CREBBP: variants seen among roughly 807,000 people sequenced by gnomAD.
CREBBP encodes CREB-binding protein.
CREBBP carries 19 observed loss-of-function variants against 265.0 expected under a neutral mutation model. The observed-to-expected ratio is 0.07, with a 90% CI of 0.05 to 0.11. CREBBP has a LOEUF of 0.11. Among genes scored for constraint, CREBBP ranks in the 10% least tolerant of loss-of-function variants. The pLI, the probability that CREBBP is intolerant of heterozygous loss-of-function variation, is 1.00. For synonymous variants in CREBBP, 1,457 were observed against 1,223.7 expected, an observed-to-expected ratio of 1.19 and a Z score of -3.98; for missense variants, 2,525 against 3,219.0, an observed-to-expected ratio of 0.78 and a Z score of 5.22.
intron 13 of CREBBP, 89 bp from the exon 14 acceptor site, chr16:3,771,075 A>AT: frequency 1.3e-6 from 2 of 1,529,656 alleles, no homozygotes; most frequent in Non-Finnish European, 1.8e-6. Context: ...ATGAAAAAAA[A>AT]ATTTTTTTTT....
intron 15 of CREBBP, 145 bp from the exon 16 acceptor site, chr16:3,768,054 C>T (rs550682595): frequency 4.0e-5 from 29 of 725,530 alleles, no homozygotes; most frequent in South Asian, 1.1e-4. Flanking sequence ...TCTTCTCTTC[C>T]GGAAGAAGAA....
Position 3,728,251 on chromosome 16 carries a change from C to A in CREBBP, c.6796G>T (p.Ala2266Ser), listed in dbSNP as rs776123525. The stretch of plus-strand genomic sequence containing the variant: ...ATCTGGCCAAGCTGTCCCATCTGAG[C>A]CGCCATCTGGCCCATGGAGCTGCCC... ...LQGSSMGQMA[A>S]QMGQLGQMGQ... is the part of the protein sequence containing the mutation. The change falls in exon 31 of 31, where the codon GCT (alanine) becomes TCT (serine). Residue 2266 changes from alanine to serine, a missense_variant. Around this residue, in one of 19 missense-constraint regions of CREBBP, gnomAD observed 473 missense variants for 459.3 expected, o/e 1.03. Transcript: ENST00000262367. The surrounding 1 kb of genome is among the most constrained non-coding windows in gnomAD (Gnocchi z 8.7). The A allele has an allele frequency of 1.2e-6, 2 of 1,612,692 alleles. No individual in the cohort carries two copies. The highest frequency in any genetic ancestry group is 1.7e-6 in the Non-Finnish European group (2 of 1,179,796).
chr16:3,768,136 G>GTTTTTTTTTTTT lies in CREBBP; in HGVS notation c.3061-239_3061-228dup, dbSNP rs71133655. 4.7e-4 allele frequency among the ~76,000 whole-genome samples: 24 copies of GTTTTTTTTTTTT among 51,608 alleles called. 6 individuals are homozygous for GTTTTTTTTTTTT. Among genetic ancestry groups the GTTTTTTTTTTTT allele is most frequent in the East Asian group, 3.5e-3 (5 of 1,420 alleles). 33.9% of individuals were successfully genotyped at this position (51,608 alleles called of 152,430 possible). ...CAATTATGGTCCTAAATTTAAAAGT[G>GTTTTTTTTTTTT]TTTTTTTTTTTTTTTTTTTTTTTTT... is the stretch of plus-strand genomic sequence containing the variant. On this transcript the variant is annotated intron_variant, in intron 15 of 30. Coordinates refer to ENST00000262367, the MANE Select transcript of CREBBP (RefSeq NM_004380.3).
chr16:3,813,813 A>C (rs1227813910), intron 2 of CREBBP, among the ~76,000 whole-genome samples: 1 of 152,180 alleles, frequency 6.6e-6, no homozygotes, highest in Non-Finnish European at 1.5e-5. Flanking sequence ...CAAACAAACA[A>C]ACAAAAAATC....
At chr16:3,834,876 G>A (rs551522546) in intron 2 of CREBBP, among the ~76,000 whole-genome samples, 1 of 152,172 alleles carries the variant, frequency 6.6e-6, no homozygotes, top group East Asian at 1.9e-4. Context: ...AGCTTTTCTT[G>A]GGCCAGGCGC....
intron 1 of CREBBP, among the ~76,000 whole-genome samples, chr16:3,857,895 C>G (rs1379683132): frequency 6.6e-6 from 1 of 152,212 alleles, no homozygotes; most frequent in African/African-American, 2.4e-5. Flanking sequence ...ATTTCTATCA[C>G]ACTCATACGA....
chr16:3,780,709 G>C, intron 8 of CREBBP, 23 bp downstream of exon 8: 1 of 1,613,220 alleles, frequency 6.2e-7, no homozygotes, highest in African/African-American at 1.3e-5. Context: ...AAACATCTAT[G>C]AAACTGCAAA....
Position 3,727,745 on chromosome 16 carries a change from C to CGTGTCCCCCGTG in CREBBP, c.7290_7301dup (p.Thr2431_Thr2434dup). 1.2e-6 allele frequency: 2 copies of CGTGTCCCCCGTG among 1,614,158 alleles called. No individual in the cohort carries two copies. The highest frequency in any genetic ancestry group is 3.3e-4 in the Middle Eastern group (2 of 6,062). On this transcript the variant is annotated inframe_insertion, in exon 31 of 31. Transcript: ENST00000262367. ...ACAAGCCCTCCACAAACTTCTCTAG[C>CGTGTCCCCCGTG]GTGTCCCCCGTGGTGTCCCCGACCA...
intron 3 of CREBBP, among the ~76,000 whole-genome samples, chr16:3,802,849 T>A (rs1240994212): frequency 6.6e-6 from 1 of 152,056 alleles, no homozygotes; most frequent in East Asian, 1.9e-4. Flanking sequence ...CCCACCCACC[T>A]GGAAACCTGA....
chr16:3,843,089 T>A lies in CREBBP; in HGVS notation c.798+7208A>T, dbSNP rs372646125. On this transcript the variant is annotated intron_variant, in intron 2 of 30. Coordinates refer to ENST00000262367, the MANE Select transcript of CREBBP (RefSeq NM_004380.3). ...CTTTAAGTTAACAAATTTTAAAGATTAGATGAAAAGAATTTTCTACTAAAA... is the reference window on the plus strand; with the variant it reads ...CTTTAAGTTAACAAATTTTAAAGATAAGATGAAAAGAATTTTCTACTAAAA... Among the ~76,000 whole-genome samples the A allele has an allele frequency of 9.2e-5, 14 of 151,772 alleles. No individual in the cohort carries two copies. The East Asian group carries it at 1.7e-3, about 19-fold the overall frequency.
chr16:3,805,567 G>A (rs963036636), intron 3 of CREBBP, among the ~76,000 whole-genome samples: 10 of 152,172 alleles, frequency 6.6e-5, no homozygotes, highest in African/African-American at 2.2e-4. Context: ...AGATCCTGGC[G>A]TTCACGAAGC....
At chr16:3,847,464 G>A (rs1178356068) in intron 2 of CREBBP, among the ~76,000 whole-genome samples, 1 of 151,926 alleles carries the variant, frequency 6.6e-6, no homozygotes, top group African/African-American at 2.4e-5. Context: ...ACCACTACTT[G>A]GTCTTTCATT....
At chr16:3,747,684 C>T (rs1026320990) in intron 21 of CREBBP, among the ~76,000 whole-genome samples, 19 of 152,250 alleles carry the variant, frequency 1.2e-4, no homozygotes, top group African/African-American at 3.6e-4. Context: ...ATAAATTGGC[C>T]GGGCACGGTG....
intron 3 of CREBBP, among the ~76,000 whole-genome samples, chr16:3,804,969 G>C (rs1214656265): frequency 1.3e-5 from 2 of 152,110 alleles, no homozygotes; most frequent in Non-Finnish European, 2.9e-5. Flanking sequence ...TAATATGTGG[G>C]GCTACCCCTA....
At chr16:3,857,998 C>T (rs189335236) in intron 1 of CREBBP, among the ~76,000 whole-genome samples, 2 of 152,336 alleles carry the variant, frequency 1.3e-5, no homozygotes, top group East Asian at 3.9e-4. Flanking sequence ...GGAAAGGCAA[C>T]TGTTTACCAA....
chr16:3,810,997 GTTTCCCCC>G (rs1270696354), intron 2 of CREBBP, among the ~76,000 whole-genome samples: 1 of 151,770 alleles, frequency 6.6e-6, no homozygotes, highest in Non-Finnish European at 1.5e-5. Flanking sequence ...TAGACGAGCT[GTTTCCCCC>G]CACCCTCAGC....
chr16:3,863,171 T>C (rs2055111463), intron 1 of CREBBP, among the ~76,000 whole-genome samples: 2 of 152,240 alleles, frequency 1.3e-5, no homozygotes. Flanking sequence ...AGGTAAAATC[T>C]ACTTTTGCAT....
chr16:3,777,716 G>C, intron 10 of CREBBP, 59 bp from the exon 11 acceptor site: 2 of 1,588,472 alleles, frequency 1.3e-6, no homozygotes, highest in South Asian at 1.1e-5. Flanking sequence ...TATAATCCTT[G>C]ATTCAGGAAT....
intron 24 of CREBBP, among the ~76,000 whole-genome samples, chr16:3,740,165 A>G (rs1173909242): frequency 6.6e-6 from 1 of 152,238 alleles, no homozygotes; most frequent in Non-Finnish European, 1.5e-5. Flanking sequence ...AGAAAATTAT[A>G]AACAGTATAC....
Sources: gnomAD v4.1 joint callset for allele counts (sites outside exome capture counted in the v4.1 genomes callset) on GRCh38, gnomAD v4.1.1 for gene constraint, gnomAD v4.1.1 regional missense constraint, Gnocchi (gnomAD v3.1) non-coding constraint, MANE v1.5 for transcripts, NCBI Gene and HGNC (gene_info 2026-07-23, HGNC 2026-07-21) for gene names.